Variants in TMEM178A observed in about 807,000 individuals in gnomAD.
TMEM178A encodes the protein transmembrane protein 178.
In TMEM178A, 12 loss-of-function variants were observed where a neutral mutation model predicts 29.1. The ratio of observed to expected loss-of-function variants is 0.41; its 90% CI spans 0.26 to 0.67. The LOEUF is 0.67. Ranked by LOEUF, TMEM178A falls within the 30% of genes least tolerant of loss-of-function variation. TMEM178A has a pLI of 0.29. For missense variants in TMEM178A, 366 were observed against 419.1 expected (o/e 0.87, Z 1.11); for synonymous variants, 210 against 187.2 (o/e 1.12, Z -0.99).
chr2:39,726,276 C>G, the TMEM178A span, among the ~76,000 whole-genome samples: 1 of 152,072 alleles, frequency 6.6e-6, no homozygotes, highest in African/African-American at 2.4e-5. Context: ...GCGTTGGCCT[C>G]TCTGATAAGA....
chr2:39,719,575 G>C (rs1307970160), downstream of TMEM178A, among the ~76,000 whole-genome samples: 1 of 152,226 alleles, frequency 6.6e-6, no homozygotes, highest in African/African-American at 2.4e-5. Context: ...CCAGTGCTGG[G>C]CATTTGGCCC....
chr2:39,672,126 C>G (rs1487818094), intron 1 of TMEM178A, among the ~76,000 whole-genome samples: 3 of 152,230 alleles, frequency 2.0e-5, no homozygotes, highest in African/African-American at 7.2e-5. Flanking sequence ...TCAACACATT[C>G]TATTGCTAAC....
chr2:39,720,283 A>C (rs1362722917), downstream of TMEM178A, among the ~76,000 whole-genome samples: 2 of 152,164 alleles, frequency 1.3e-5, no homozygotes, highest in Non-Finnish European at 2.9e-5. Flanking sequence ...GAATGACAAA[A>C]GTGTGCCCCC....
chr2:39,665,594 A>G (rs13409487), upstream of TMEM178A: 86,615 of 180,902 alleles, frequency 0.48, 21,998 homozygotes, highest in East Asian at 0.83. Flanking sequence ...GAGAGATTAA[A>G]AGGGGAAGGG....
the TMEM178A span, among the ~76,000 whole-genome samples, chr2:39,726,855 C>T: frequency 6.6e-5 from 10 of 152,138 alleles, no homozygotes; most frequent in South Asian, 2.1e-4. Context: ...TGTTTCATCT[C>T]GAGCAGGCAG....
chr2:39,707,329 G>A (rs1672079992), intron 3 of TMEM178A, 143 bp downstream of exon 3: 3 of 1,044,182 alleles, frequency 2.9e-6, no homozygotes, highest in Middle Eastern at 6.3e-4. Flanking sequence ...TGGCTTTGCT[G>A]GAAAATACAG....
rs1672421036 is a variant in TMEM178A, at chr2:39,713,861, C to G, written c.653-3149C>G. 2.0e-5 allele frequency among the ~76,000 whole-genome samples: 3 copies of G among 152,218 alleles called. No homozygotes were observed. In the South Asian group the frequency reaches 6.2e-4, roughly 32 times the overall value. On this transcript the variant is annotated intron_variant, in intron 3 of 3. Transcript: ENST00000281961. Reference sequence around the variant, plus strand: ...GTAAGAATGCTTTCATCATTTCAAACAACTCTTTTTCTTGATGCCTTTGAA... The same window carrying G: ...GTAAGAATGCTTTCATCATTTCAAAGAACTCTTTTTCTTGATGCCTTTGAA...
intron 3 of TMEM178A, among the ~76,000 whole-genome samples, chr2:39,708,039 A>G (rs187678789): frequency 6.6e-6 from 1 of 152,224 alleles, no homozygotes; most frequent in African/African-American, 2.4e-5. Flanking sequence ...GGCAGGCAAA[A>G]TTCTTGTTCA....
At chr2:39,730,746 C>T in the TMEM178A span, among the ~76,000 whole-genome samples, 4 of 152,198 alleles carry the variant, frequency 2.6e-5, no homozygotes, top group Non-Finnish European at 5.9e-5. Flanking sequence ...GAACAAGAGG[C>T]ATTGAGACCT....
In TMEM178A at chr2:39,668,652, A is replaced by G. The variant is rs139387569; in HGVS notation, c.400+2278A>G. On this transcript the variant is annotated intron_variant, in intron 1 of 3. Coordinates refer to ENST00000281961, the MANE Select transcript of TMEM178A (RefSeq NM_152390.3). ...GTTAATGAGCCAACGCTATTAAGCA[A>G]TGAGGAGTTTGGAGGAAAGAACAGG... Among the ~76,000 whole-genome samples the G allele has an allele frequency of 4.6e-4, 70 of 152,352 alleles. 1 individual carries two copies. The East Asian group carries it at 0.013, about 29-fold the overall frequency.
the TMEM178A span, among the ~76,000 whole-genome samples, chr2:39,728,183 T>G: frequency 6.6e-6 from 1 of 152,208 alleles, no homozygotes; most frequent in Non-Finnish European, 1.5e-5. Context: ...CCACCAACAG[T>G]GTAAAAGCAT....
At chr2:39,723,945 C>T in the TMEM178A span, among the ~76,000 whole-genome samples, 1 of 152,218 alleles carries the variant, frequency 6.6e-6, no homozygotes, top group Non-Finnish European at 1.5e-5. Context: ...TTGGAAGTTA[C>T]TGCTCTATAG....
intron 1 of TMEM178A, among the ~76,000 whole-genome samples, chr2:39,694,307 G>A (rs1671450664): frequency 6.6e-6 from 1 of 152,118 alleles, no homozygotes; most frequent in Non-Finnish European, 1.5e-5. Flanking sequence ...AGGGCTCACA[G>A]ATAGTGAATA....
At chr2:39,666,474 CG>C (rs1670166209) in intron 1 of TMEM178A, 100 bp downstream of exon 1, 1 of 1,022,594 alleles carries the variant, frequency 9.8e-7, no homozygotes, top group South Asian at 4.7e-5. Flanking sequence ...CTCCCAGCCG[CG>C]GCCCCGCGCC....
intron 1 of TMEM178A, among the ~76,000 whole-genome samples, chr2:39,699,632 A>T (rs935090037): frequency 1.3e-5 from 2 of 151,202 alleles, no homozygotes; most frequent in Admixed American, 6.6e-5. Flanking sequence ...AATTTTGTTT[A>T]TTTTTTTAGA....
intron 1 of TMEM178A, among the ~76,000 whole-genome samples, chr2:39,676,250 G>A (rs1046164197): frequency 6.6e-6 from 1 of 152,180 alleles, no homozygotes; most frequent in African/African-American, 2.4e-5. Context: ...AGCCTACAAG[G>A]AAAACGTATT....
the TMEM178A span, among the ~76,000 whole-genome samples, chr2:39,733,965 T>C: frequency 6.6e-6 from 1 of 152,126 alleles, no homozygotes; most frequent in African/African-American, 2.4e-5. Flanking sequence ...TATTTCATCA[T>C]CTTTTCGTCT....
intron 3 of TMEM178A, among the ~76,000 whole-genome samples, chr2:39,714,214 G>A (rs376963598): frequency 3.3e-5 from 5 of 152,082 alleles, no homozygotes; most frequent in African/African-American, 1.2e-4. Context: ...CAAGCTATAG[G>A]GGCATTTGTG....
the TMEM178A span, among the ~76,000 whole-genome samples, chr2:39,728,288 A>C: frequency 1.6e-4 from 25 of 152,180 alleles, no homozygotes; most frequent in African/African-American, 6.0e-4. Flanking sequence ...TGTGGTTTTG[A>C]TTTGCATTTC....
Sources: allele counts gnomAD v4.1 joint callset (sites outside exome capture counted in the v4.1 genomes callset), GRCh38; gene constraint gnomAD v4.1.1; transcripts MANE v1.5; gene names NCBI Gene and HGNC (gene_info 2026-07-23, HGNC 2026-07-21).